The following ADCY10 variants were observed in gnomAD, a reference collection of about 807,000 sequenced individuals.
ADCY10 encodes the protein adenylate cyclase 10, also known as adenylate cyclase type 10.
Under a neutral mutation model 183.3 loss-of-function variants are expected in ADCY10, and 156 were observed. The ratio of observed to expected loss-of-function variants is 0.85; its 90% CI spans 0.75 to 0.97. ADCY10 has a LOEUF of 0.97. Among genes scored for constraint, ADCY10 ranks in the 50% least tolerant of loss-of-function variants. The probability of loss-of-function intolerance (pLI) is 0.00; values close to 1 mark genes in which losing one functional copy is unlikely to be tolerated. For missense variants in ADCY10, 1,745 were observed against 1,934.3 expected (o/e 0.90, Z 1.84); for synonymous variants, 645 against 670.0 (o/e 0.96, Z 0.58).
chr1:167,844,444 C>T (rs1255743444), intron 21 of ADCY10, among the ~76,000 whole-genome samples: 1 of 152,206 alleles, frequency 6.6e-6, no homozygotes, highest in African/African-American at 2.4e-5. Context: ...GCTGTGTCTA[C>T]GAACTTCCTA....
intron 21 of ADCY10, among the ~76,000 whole-genome samples, chr1:167,842,046 G>A (rs1198054763): frequency 6.6e-6 from 1 of 152,180 alleles, no homozygotes; most frequent in East Asian, 1.9e-4. Context: ...TCAAGACTTA[G>A]AAAATAACAG....
intron 18 of ADCY10, among the ~76,000 whole-genome samples, chr1:167,851,528 G>A (rs933570113): frequency 2.0e-5 from 3 of 152,092 alleles, no homozygotes; most frequent in Non-Finnish European, 4.4e-5. Context: ...TCACCTTCAA[G>A]AAACTTAACA....
At chr1:167,820,323 G>T (rs1271810503) in intron 30 of ADCY10, 8 of 1,006,298 alleles carry the variant, frequency 7.9e-6, no homozygotes, top group Non-Finnish European at 1.1e-5. Flanking sequence ...GGGACTAGCC[G>T]GCCTTGAGGG....
intron 21 of ADCY10, among the ~76,000 whole-genome samples, chr1:167,844,771 T>C (rs535554800): frequency 6.6e-6 from 1 of 152,312 alleles, no homozygotes; most frequent in South Asian, 2.1e-4. Flanking sequence ...TTCTTCCTGA[T>C]TTTTAATATC....
intron 14 of ADCY10, among the ~76,000 whole-genome samples, chr1:167,865,289 TA>T (rs966210710): frequency 6.6e-5 from 10 of 151,688 alleles, no homozygotes; most frequent in African/African-American, 1.7e-4. Flanking sequence ...ATGTTAATTG[TA>T]AAAAAAAATT....
At chr1:167,911,939 G>C (rs1670172804) in intron 1 of ADCY10, among the ~76,000 whole-genome samples, 1 of 152,284 alleles carries the variant, frequency 6.6e-6, no homozygotes, top group East Asian at 1.9e-4. Flanking sequence ...ATGTAGATGT[G>C]AAACTAAAAG....
intron 25 of ADCY10, among the ~76,000 whole-genome samples, chr1:167,830,320 T>TTA (rs985776301): frequency 6.6e-4 from 101 of 152,048 alleles, no homozygotes; most frequent in African/African-American, 2.4e-3. Flanking sequence ...GGGCATGTCC[T>TTA]TAACCTTGGC....
intron 18 of ADCY10, among the ~76,000 whole-genome samples, chr1:167,853,830 CTTTTTTTTTTTTTT>C (rs538462140): frequency 2.6e-5 from 2 of 77,184 alleles, no homozygotes; most frequent in Non-Finnish European, 4.7e-5. Context: ...ACTATAGTTA[CTTTTTTTTTTTTTT>C]TTTTTTTTTT....
At chr1:167,884,837 G>T (rs895958416) in intron 8 of ADCY10, among the ~76,000 whole-genome samples, 12 of 151,672 alleles carry the variant, frequency 7.9e-5, no homozygotes, top group Non-Finnish European at 1.3e-4. Context: ...AGCTGGGATT[G>T]CAGGCATGCA....
intron 18 of ADCY10, among the ~76,000 whole-genome samples, chr1:167,852,863 C>T (rs1665600963): frequency 6.6e-6 from 1 of 152,032 alleles, no homozygotes; most frequent in Non-Finnish European, 1.5e-5. Flanking sequence ...TTGGGGGCCA[C>T]ATGGTCCTGT....
intron 8 of ADCY10, among the ~76,000 whole-genome samples, chr1:167,892,627 A>C (rs2102348843): frequency 6.6e-6 from 1 of 152,288 alleles, no homozygotes; most frequent in South Asian, 2.1e-4. Context: ...TAAGCTTCAA[A>C]AGCCATGAAG....
At chr1:167,896,121 C>T (rs530797607) in intron 7 of ADCY10, among the ~76,000 whole-genome samples, 1 of 151,988 alleles carries the variant, frequency 6.6e-6, no homozygotes, top group Non-Finnish European at 1.5e-5. Flanking sequence ...CAGTAGACAG[C>T]AGGGGACTAG....
chr1:167,840,060 A>G (rs1476241050), intron 21 of ADCY10, among the ~76,000 whole-genome samples: 1 of 151,716 alleles, frequency 6.6e-6, no homozygotes, highest in East Asian at 1.9e-4. Flanking sequence ...CTATAAAAAA[A>G]AAAAAAAGAA....
intron 26 of ADCY10, among the ~76,000 whole-genome samples, chr1:167,829,041 C>G (rs1663518394): frequency 6.6e-6 from 1 of 152,128 alleles, no homozygotes; most frequent in Non-Finnish European, 1.5e-5. Flanking sequence ...TCAATAGATT[C>G]AACCCATATG....
At chr1:167,813,557 G>C (rs1662347930) in intron 31 of ADCY10, among the ~76,000 whole-genome samples, 1 of 152,104 alleles carries the variant, frequency 6.6e-6, no homozygotes, top group African/African-American at 2.4e-5. Flanking sequence ...ACCTAAAGGA[G>C]CCCTGTAGGG....
intron 1 of ADCY10, 147 bp from the exon 2 acceptor site, chr1:167,905,345 A>G (rs2102450521): frequency 4.5e-6 from 3 of 669,816 alleles, no homozygotes; most frequent in Non-Finnish European, 7.8e-6. Context: ...CAAAAGGGCC[A>G]ATTTCTATAC....
chr1:167,908,458 A>G (rs1235633787), intron 1 of ADCY10, among the ~76,000 whole-genome samples: 1 of 152,190 alleles, frequency 6.6e-6, no homozygotes. Flanking sequence ...ATTAGACCCA[A>G]TGAAAAAGTC....
chr1:167,890,158 T>C (rs76818737), intron 8 of ADCY10, among the ~76,000 whole-genome samples: 4,056 of 152,306 alleles, frequency 0.027, 171 homozygotes, highest in African/African-American at 0.092. Context: ...TAGGTATTTA[T>C]TGTAGTCTTT....
At chr1:167,810,683 G>C (rs764907582) in intron 32 of ADCY10, 42 bp downstream of exon 32, 22 of 1,602,470 alleles carry the variant, frequency 1.4e-5, no homozygotes, top group South Asian at 7.7e-5. Context: ...TCTTTATATG[G>C]GTGAGCATCG....
Sources: allele counts gnomAD v4.1 joint callset (sites outside exome capture counted in the v4.1 genomes callset), GRCh38; gene constraint gnomAD v4.1.1; transcripts MANE v1.5; gene names NCBI Gene and HGNC (gene_info 2026-07-23, HGNC 2026-07-21).